Variants in ATP6V1E1 observed in about 807,000 individuals in gnomAD.
ATP6V1E1 encodes ATPase H+ transporting V1 subunit E1.
ATP6V1E1 carries 21 observed loss-of-function variants against 35.2 expected under a neutral mutation model. That is an observed-to-expected ratio of 0.60 (90% CI 0.42 to 0.86). The LOEUF is 0.86. Ranked by LOEUF, ATP6V1E1 falls within the 40% of genes least tolerant of loss-of-function variation. The pLI is 0.00. For synonymous variants in ATP6V1E1, 83 were observed against 87.8 expected, an observed-to-expected ratio of 0.95 and a Z score of 0.30; for missense variants, 183 against 272.6, an observed-to-expected ratio of 0.67 and a Z score of 2.32.
At chr22:17,618,973 C>T in intron 2 of ATP6V1E1, 2 of 453,378 alleles carry the variant, frequency 4.4e-6, no homozygotes, top group South Asian at 3.1e-5. Context: ...GCACTGCAGT[C>T]CCAGTGACGA....
chr22:17,598,522 T>A (rs183487907), intron 6 of ATP6V1E1, among the ~76,000 whole-genome samples: 1 of 152,160 alleles, frequency 6.6e-6, no homozygotes, highest in Non-Finnish European at 1.5e-5. Context: ...GGCAGGTGAT[T>A]AAACACACCA....
chr22:17,594,084 C>A (rs1751658263), intron 8 of ATP6V1E1, among the ~76,000 whole-genome samples: 1 of 152,122 alleles, frequency 6.6e-6, no homozygotes, highest in Admixed American at 6.6e-5. Flanking sequence ...TGCCTGTAAT[C>A]CCAGCTACTC....
chr22:17,613,000 G>A (rs1390186587), intron 3 of ATP6V1E1, 122 bp from the exon 4 acceptor site: 18 of 998,354 alleles, frequency 1.8e-5, no homozygotes, highest in South Asian at 1.4e-4. Flanking sequence ...GATTACAAGC[G>A]TGAGCCACCT....
chr22:17,619,889 T>G (rs1267284300), intron 1 of ATP6V1E1, among the ~76,000 whole-genome samples: 1 of 152,156 alleles, frequency 6.6e-6, no homozygotes, highest in Non-Finnish European at 1.5e-5. Flanking sequence ...ACCTTCATCC[T>G]CCTCTCAAGG....
At chr22:17,614,783 A>G (rs1269299599) in intron 2 of ATP6V1E1, among the ~76,000 whole-genome samples, 1 of 151,732 alleles carries the variant, frequency 6.6e-6, no homozygotes, top group Non-Finnish European at 1.5e-5. Context: ...CCTGGCTAAC[A>G]TGGTGAAACC....
chr22:17,618,148 A>C (rs1258507810), intron 2 of ATP6V1E1, among the ~76,000 whole-genome samples: 1 of 152,184 alleles, frequency 6.6e-6, no homozygotes, highest in Non-Finnish European at 1.5e-5. Flanking sequence ...GATTAACAAA[A>C]AAGCTAAACA....
At chr22:17,593,359 C>T (rs1341265497) in intron 8 of ATP6V1E1, among the ~76,000 whole-genome samples, 2 of 152,036 alleles carry the variant, frequency 1.3e-5, no homozygotes, top group Admixed American at 6.6e-5. Flanking sequence ...TGCTGGGTCA[C>T]CTACACTCTT....
At chr22:17,593,354 G>A (rs2057714719) in intron 8 of ATP6V1E1, among the ~76,000 whole-genome samples, 1 of 151,400 alleles carries the variant, frequency 6.6e-6, no homozygotes, top group African/African-American at 2.4e-5. Context: ...CAATATGCTG[G>A]GTCACCTACA....
At position 17,599,882 on chromosome 22, in the gene ATP6V1E1, C is replaced by T. The variant is rs776564230; in HGVS notation, c.435+145G>A. On this transcript the variant is annotated intron_variant, in intron 6 of 8. Coordinates refer to ENST00000253413, the MANE Select transcript of ATP6V1E1 (RefSeq NM_001696.4). The stretch of plus-strand genomic sequence containing the variant: ...AGAGGTTACAGGTGAGTGGAGATCC[C>T]GCCATTGCACTCCATCCTGGACAAC... 319 of 657,292 alleles carry T rather than the reference C, an allele frequency of 4.9e-4. 1 individual carries two copies. The highest frequency in any genetic ancestry group is 9.7e-4 in the Admixed American group (34 of 34,932). The allele number at this position is 657,292 out of a possible 1,614,324, so 40.7% of individuals were successfully genotyped here. A position where few individuals can be genotyped will look rare whatever the true frequency, so the allele number is the denominator to read the frequency against.
At chr22:17,624,519 A>G (rs2057893835) in intron 1 of ATP6V1E1, among the ~76,000 whole-genome samples, 2 of 151,902 alleles carry the variant, frequency 1.3e-5, no homozygotes, top group African/African-American at 4.8e-5. Flanking sequence ...ACGCCATGGC[A>G]CTCCAGCCTG....
chr22:17,619,553 TA>T (rs1445328060), intron 1 of ATP6V1E1, 27 bp from the exon 2 acceptor site: 17 of 1,512,958 alleles, frequency 1.1e-5, no homozygotes, highest in Non-Finnish European at 1.5e-5. Flanking sequence ...TTTTATTTTT[TA>T]GTTCAAAAAT....
At position 17,594,610 on chromosome 22, in the gene ATP6V1E1, ACCAGCTCTGC is replaced by A. The variant is rs1368087489; in HGVS notation, c.531-4_536del. 1 of 1,548,162 alleles carries A rather than the reference ACCAGCTCTGC, an allele frequency of 6.5e-7. No homozygotes were observed. Among genetic ancestry groups the A allele is most frequent in the Admixed American group, 2.0e-5 (1 of 49,700 alleles). On this transcript the variant is annotated splice_acceptor_variant and splice_polypyrimidine_tract_variant and coding_sequence_variant and intron_variant, in exon 8 of 9. Coordinates refer to ENST00000253413, the MANE Select transcript of ATP6V1E1 (RefSeq NM_001696.4). LOFTEE classifies it high-confidence loss of function. ...GATCTCCATTATAGATCTCAACTCC[ACCAGCTCTGC>A]AAAAAAAAAAGCACAGGAAATAATC... is the stretch of plus-strand genomic sequence containing the variant.
chr22:17,618,305 C>A (rs1468780323), intron 2 of ATP6V1E1, among the ~76,000 whole-genome samples: 2 of 152,040 alleles, frequency 1.3e-5, no homozygotes, highest in African/African-American at 4.8e-5. Context: ...GGCATCACAA[C>A]CATTAGAAAG....
intron 4 of ATP6V1E1, among the ~76,000 whole-genome samples, chr22:17,608,857 C>T (rs773052253): frequency 2.0e-5 from 3 of 152,180 alleles, no homozygotes; most frequent in Non-Finnish European, 4.4e-5. Context: ...GAGGCCGAGG[C>T]GGGCAGATCA....
At chr22:17,611,612 G>C (rs2057815809) in intron 4 of ATP6V1E1, among the ~76,000 whole-genome samples, 1 of 152,136 alleles carries the variant, frequency 6.6e-6, no homozygotes, top group Non-Finnish European at 1.5e-5. Flanking sequence ...AAAAGAACTA[G>C]TTATTTTTCT....
chr22:17,606,705 G>A (rs116599141), intron 4 of ATP6V1E1, among the ~76,000 whole-genome samples: 1,522 of 152,182 alleles, frequency 0.01, 20 homozygotes, highest in African/African-American at 0.034. Context: ...CACCTCACAC[G>A]CACTTCTCCC....
chr22:17,613,204 T>A lies in ATP6V1E1; in HGVS notation c.209+7A>T, dbSNP rs376703987. On this transcript the variant is annotated splice_region_variant and intron_variant, in intron 3 of 8. Coordinates refer to ENST00000253413, the MANE Select transcript of ATP6V1E1 (RefSeq NM_001696.4). Reference sequence around the variant, plus strand: ...TTAGCTTAATACTGCAACCAGGATCTACTTACATTTTCTTCTGCTGCTCAA... The same window carrying A: ...TTAGCTTAATACTGCAACCAGGATCAACTTACATTTTCTTCTGCTGCTCAA... The A allele has an allele frequency of 1.0e-5, 16 of 1,606,906 alleles. No homozygotes were observed. Among genetic ancestry groups the A allele is most frequent in the Non-Finnish European group, 1.1e-5 (13 of 1,175,700 alleles).
At chr22:17,594,258 A>G (rs1418341725) in intron 8 of ATP6V1E1, among the ~76,000 whole-genome samples, 1 of 152,188 alleles carries the variant, frequency 6.6e-6, no homozygotes, top group African/African-American at 2.4e-5. Flanking sequence ...CTCCTGTTAG[A>G]GAAAGAACTT....
chr22:17,628,139 A>G (rs1426409290), intron 1 of ATP6V1E1, among the ~76,000 whole-genome samples: 1 of 151,654 alleles, frequency 6.6e-6, no homozygotes, highest in Non-Finnish European at 1.5e-5. Flanking sequence ...CTAATTTTCT[A>G]TTTTTAGTAG....
Sources: gnomAD v4.1 joint callset for allele counts (sites outside exome capture counted in the v4.1 genomes callset) on GRCh38, gnomAD v4.1.1 for gene constraint, MANE v1.5 for transcripts, NCBI Gene and HGNC (gene_info 2026-07-23, HGNC 2026-07-21) for gene names.